Variants in NUDT9 observed in about 807,000 individuals in gnomAD.
NUDT9 encodes ADP-ribose pyrophosphatase.
A neutral mutation model predicts 41.0 loss-of-function variants in NUDT9; 31 were observed. The observed-to-expected ratio is 0.76, with a 90% CI of 0.57 to 1.02. The LOEUF (loss-of-function observed/expected upper bound fraction) is 1.02, where lower values mean the gene tolerates loss of function less well. NUDT9 is among the 50% of genes least tolerant of loss of function. NUDT9 has a pLI of 0.00. For missense variants in NUDT9, 380 were observed against 431.4 expected, an observed-to-expected ratio of 0.88 and a Z score of 1.06; for synonymous variants, 146 against 147.6, an observed-to-expected ratio of 0.99 and a Z score of 0.08.
intron 3 of NUDT9, among the ~76,000 whole-genome samples, chr4:87,439,149 G>T (rs1363220170): frequency 6.8e-6 from 1 of 147,196 alleles, no homozygotes; most frequent in Admixed American, 6.7e-5. Flanking sequence ...CTGGGCGACA[G>T]AGCGAGACTC....
intron 6 of NUDT9, among the ~76,000 whole-genome samples, 178 bp downstream of exon 6, chr4:87,451,913 T>C (rs544257057): frequency 2.8e-4 from 42 of 152,330 alleles, no homozygotes; most frequent in Admixed American, 5.9e-4. Flanking sequence ...ATTTAAAGTT[T>C]TATAGCCCAA....
At chr4:87,457,429 G>A (rs1175697215) in intron 7 of NUDT9, among the ~76,000 whole-genome samples, 1 of 151,776 alleles carries the variant, frequency 6.6e-6, no homozygotes, top group Admixed American at 6.6e-5. Flanking sequence ...TAGAGATGGG[G>A]TTTCACCATG....
intron 7 of NUDT9, among the ~76,000 whole-genome samples, chr4:87,455,322 G>A (rs1051351254): frequency 3.9e-5 from 6 of 152,142 alleles, no homozygotes; most frequent in Non-Finnish European, 8.8e-5. Flanking sequence ...TTCCACTAAG[G>A]TGTATTAGAA....
chr4:87,435,334 G>T, intron 2 of NUDT9, 114 bp downstream of exon 2: 2 of 1,203,240 alleles, frequency 1.7e-6, no homozygotes, highest in South Asian at 3.7e-5. Flanking sequence ...GCTTAGCTGT[G>T]TTATAACTCA....
At chr4:87,426,415 CT>C (rs1165126000) in intron 1 of NUDT9, among the ~76,000 whole-genome samples, 212 of 144,070 alleles carry the variant, frequency 1.5e-3, no homozygotes, top group Middle Eastern at 3.8e-3. Flanking sequence ...TTCTTATTTC[CT>C]TTTTTTTTTT....
At chr4:87,441,348 T>C (rs1300223767) in intron 3 of NUDT9, among the ~76,000 whole-genome samples, 1 of 152,132 alleles carries the variant, frequency 6.6e-6, no homozygotes, top group East Asian at 1.9e-4. Context: ...GTAATACTAA[T>C]ACCTTATCAT....
At chr4:87,442,766 A>G (rs1438521250) in intron 4 of NUDT9, among the ~76,000 whole-genome samples, 1 of 152,198 alleles carries the variant, frequency 6.6e-6, no homozygotes, top group Non-Finnish European at 1.5e-5. Context: ...ATGGCTATAC[A>G]AGGTCAGGAT....
At chr4:87,425,948 C>T (rs772933329) in intron 1 of NUDT9, among the ~76,000 whole-genome samples, 9 of 151,954 alleles carry the variant, frequency 5.9e-5, no homozygotes, top group South Asian at 2.1e-4. Context: ...CTGGTACTAC[C>T]GGTGCGCACT....
intron 2 of NUDT9, among the ~76,000 whole-genome samples, chr4:87,435,652 T>G (rs1390633819): frequency 6.6e-6 from 1 of 152,084 alleles, no homozygotes; most frequent in Non-Finnish European, 1.5e-5. Context: ...AAGAACAGGA[T>G]GATGATAAAC....
intron 3 of NUDT9, among the ~76,000 whole-genome samples, chr4:87,440,551 TAAAA>T (rs1476026519): frequency 3.9e-5 from 6 of 152,108 alleles, no homozygotes; most frequent in African/African-American, 1.4e-4. Context: ...TTACATGGAA[TAAAA>T]TATGGTTGCA....
chr4:87,446,749 G>A (rs145463494), intron 4 of NUDT9, among the ~76,000 whole-genome samples: 1 of 152,004 alleles, frequency 6.6e-6, no homozygotes, highest in African/African-American at 2.4e-5. Context: ...TATGTTATAG[G>A]GTTGTTTTGA....
At chr4:87,437,760 T>C (rs1346476535) in intron 2 of NUDT9, among the ~76,000 whole-genome samples, 1 of 152,214 alleles carries the variant, frequency 6.6e-6, no homozygotes, top group Non-Finnish European at 1.5e-5. Flanking sequence ...AGTATGTCTG[T>C]TTTTAATTTA....
intron 1 of NUDT9, among the ~76,000 whole-genome samples, chr4:87,423,772 T>G (rs1373015252): frequency 6.6e-6 from 1 of 152,206 alleles, no homozygotes; most frequent in Non-Finnish European, 1.5e-5. Flanking sequence ...TTGATTAATA[T>G]GAGTAATAGG....
intron 1 of NUDT9, among the ~76,000 whole-genome samples, chr4:87,429,477 A>ATAATTATGTAATTTGCCC (rs1339493884): frequency 6.6e-6 from 1 of 152,082 alleles, no homozygotes; most frequent in Non-Finnish European, 1.5e-5. Context: ...TTATATATAT[A>ATAATTATGTAATTTGCCC]TAATTATGTA....
At position 87,458,346 on chromosome 4, in the gene NUDT9, A is replaced by T; in HGVS notation, c.*325A>T. 5.5e-6 allele frequency: 1 copy of T among 181,806 alleles called. No homozygotes were observed. The highest frequency in any genetic ancestry group is 1.1e-5 in the Non-Finnish European group (1 of 88,316). 11.3% of individuals were successfully genotyped at this position (181,806 alleles called of 1,614,324 possible). ...TAAAGATAAATTCTTGATCAGCTATAACTTCTGTTTCATCTAGTTCTTGTT... is the reference window on the plus strand; with the variant it reads ...TAAAGATAAATTCTTGATCAGCTATTACTTCTGTTTCATCTAGTTCTTGTT... On this transcript the variant is annotated 3_prime_UTR_variant, in exon 8 of 8. Transcript: ENST00000302174.
At chr4:87,447,473 G>A (rs552450797) in intron 4 of NUDT9, among the ~76,000 whole-genome samples, 65 of 145,212 alleles carry the variant, frequency 4.5e-4, no homozygotes, top group Non-Finnish European at 7.1e-4. Context: ...TTTAGCATTG[G>A]AAGTTTTTTT....
At chr4:87,431,951 G>A (rs1179954122) in intron 1 of NUDT9, among the ~76,000 whole-genome samples, 1 of 152,202 alleles carries the variant, frequency 6.6e-6, no homozygotes. Context: ...CTTCTGAAGT[G>A]CTGAGATTAC....
At chr4:87,452,090 C>A (rs1011626058) in intron 6 of NUDT9, among the ~76,000 whole-genome samples, 3 of 151,916 alleles carry the variant, frequency 2.0e-5, no homozygotes, top group African/African-American at 7.3e-5. Flanking sequence ...GCAACCTTCA[C>A]CTCCCAGGTT....
Position 87,422,893 on chromosome 4 carries a change from CCT to C in NUDT9, c.-11_-10del. The C allele has an allele frequency of 6.2e-7, 1 of 1,606,168 alleles. No homozygotes were observed. The highest frequency in any genetic ancestry group is 8.5e-7 in the Non-Finnish European group (1 of 1,178,434). On this transcript the variant is annotated 5_prime_UTR_variant, in exon 1 of 8. Coordinates refer to ENST00000302174, the MANE Select transcript of NUDT9 (RefSeq NM_024047.5). The stretch of plus-strand genomic sequence containing the variant: ...GAGCGACCTAGCATCGCAAAGCCGC[CCT>C]CGGGGCGCTCATGGCGGGACGCCTC...
Sources: gnomAD v4.1 joint callset for allele counts (sites outside exome capture counted in the v4.1 genomes callset) on GRCh38, gnomAD v4.1.1 for gene constraint, MANE v1.5 for transcripts, NCBI Gene and HGNC (gene_info 2026-07-23, HGNC 2026-07-21) for gene names.